ZNF727: variants seen among roughly 807,000 people sequenced by gnomAD.
ZNF727 encodes the protein putative zinc finger protein 727.
In ZNF727, 11 loss-of-function variants were observed where a neutral mutation model predicts 11.5. The ratio of observed to expected loss-of-function variants is 0.95; its 90% CI spans 0.60 to 1.58. The LOEUF is 1.58. ZNF727 is among the 40% of genes most tolerant of loss of function. The probability of loss-of-function intolerance (pLI) is 0.00; values close to 1 mark genes in which losing one functional copy is unlikely to be tolerated. For synonymous variants in ZNF727, 171 were observed against 196.1 expected, an observed-to-expected ratio of 0.87 and a Z score of 1.07; for missense variants, 533 against 581.7, an observed-to-expected ratio of 0.92 and a Z score of 0.86.
chr7:64,048,235 G>GA (rs1276533163), intron 1 of ZNF727, among the ~76,000 whole-genome samples: 2 of 151,812 alleles, frequency 1.3e-5, no homozygotes, highest in Admixed American at 1.3e-4. Flanking sequence ...GTAGATTTCA[G>GA]AAAAAAAATA....
chr7:64,051,518 A>G (rs1309497246), intron 1 of ZNF727, among the ~76,000 whole-genome samples: 1 of 152,212 alleles, frequency 6.6e-6, no homozygotes, highest in African/African-American at 2.4e-5. Context: ...CCAAAAGATC[A>G]AGAGTAATAA....
intron 1 of ZNF727, 62 bp downstream of exon 1, chr7:64,045,686 T>C (rs569265575): frequency 5.2e-6 from 8 of 1,550,430 alleles, no homozygotes; most frequent in Admixed American, 3.9e-5. Context: ...CGGTCGGAAC[T>C]GGCTGCGGTG....
intron 2 of ZNF727, 23 bp downstream of exon 2, chr7:64,069,040 A>C (rs779164133): frequency 1.7e-5 from 26 of 1,532,462 alleles, no homozygotes; most frequent in Non-Finnish European, 2.3e-5. Flanking sequence ...TCAATATACA[A>C]CTCATATTCT....
At chr7:64,050,096 G>T (rs943621087) in intron 1 of ZNF727, among the ~76,000 whole-genome samples, 1 of 151,802 alleles carries the variant, frequency 6.6e-6, no homozygotes, top group Non-Finnish European at 1.5e-5. Flanking sequence ...TCGCTGAGAA[G>T]TCAGAAGACA....
chr7:64,069,611 T>C lies in ZNF727; in HGVS notation c.226+2T>C. On this transcript the variant is annotated splice_donor_variant, in intron 3 of 3. Transcript: ENST00000456806. LOFTEE classifies it high-confidence loss of function. ...AGAAGACAGTAGCCAAACACCCAGG[T>C]AGGTGGGAGTGAGTGAAGCAAATGA... 1.9e-6 allele frequency: 3 copies of C among 1,556,012 alleles called. No homozygotes were observed. The highest frequency in any genetic ancestry group is 2.6e-6 in the Non-Finnish European group (3 of 1,147,736).
intron 1 of ZNF727, among the ~76,000 whole-genome samples, chr7:64,067,974 A>G (rs528748864): frequency 1.3e-5 from 2 of 152,280 alleles, no homozygotes; most frequent in South Asian, 2.1e-4. Flanking sequence ...AACATGAGAG[A>G]TATTTGTAGC....
chr7:64,045,576 C>T lies in ZNF727; in HGVS notation c.-46C>T. The T allele has an allele frequency of 8.4e-6, 13 of 1,552,600 alleles. No homozygotes were observed. Among genetic ancestry groups the T allele is most frequent in the Non-Finnish European group, 1.0e-5 (12 of 1,147,444 alleles). ...CCTGTTATCCTGTGACCTGCAGGTA[C>T]TGGGAGATCCATAGGGAAGAAGGCG... On this transcript the variant is annotated 5_prime_UTR_variant, in exon 1 of 4. Transcript: ENST00000456806.
intron 1 of ZNF727, 43 bp downstream of exon 1, chr7:64,045,667 G>T (rs1264562401): frequency 1.3e-6 from 2 of 1,555,372 alleles, no homozygotes; most frequent in Non-Finnish European, 1.7e-6. Context: ...GGAAGAGGCT[G>T]TTTGAATCCG....
intron 3 of ZNF727, among the ~76,000 whole-genome samples, 157 bp from the exon 4 acceptor site, chr7:64,077,119 A>G (rs146745375): frequency 2.0e-5 from 3 of 152,296 alleles, no homozygotes; most frequent in Non-Finnish European, 4.4e-5. Context: ...TTTGGTCAGT[A>G]TATTTCTGTT....
At chr7:64,073,767 A>G (rs1477062495) in intron 3 of ZNF727, among the ~76,000 whole-genome samples, 1 of 152,168 alleles carries the variant, frequency 6.6e-6, no homozygotes, top group Non-Finnish European at 1.5e-5. Flanking sequence ...AATTTCTAAG[A>G]TAAAGAGACT....
rs1057107521 is a variant in ZNF727, at chr7:64,083,828, G to T, written c.*5279G>T. Among the ~76,000 whole-genome samples, 9 of 152,094 alleles carry T rather than the reference G, an allele frequency of 5.9e-5. No individual in the cohort carries two copies. The highest frequency in any genetic ancestry group is 3.3e-4 in the Admixed American group (5 of 15,250). ...AGTTGTTTCTTTCATTAGTTCCAAT[G>T]CAAGTACCTGGATGTTTCAGTTGAA... is the stretch of plus-strand genomic sequence containing the variant. On this transcript the variant is annotated 3_prime_UTR_variant, in exon 4 of 4. Transcript: ENST00000456806.
rs183473952 is a variant in ZNF727 at position 64,056,793 on chromosome 7, A to T, written c.3+11169A>T. ...TAATTACTAAAACCTCCTAATTCTT[A>T]GTAAGGCCTTTCTAGGGCCACCTAA... is the stretch of plus-strand genomic sequence containing the variant. On this transcript the variant is annotated intron_variant, in intron 1 of 3. Coordinates refer to ENST00000456806, the MANE Select transcript of ZNF727 (RefSeq NM_001159522.3). Among the ~76,000 whole-genome samples the T allele has an allele frequency of 3.1e-3, 478 of 152,288 alleles. 5 individuals carry two copies. Among genetic ancestry groups the T allele is most frequent in the African/African-American group, 0.011 (464 of 41,572 alleles).
chr7:64,057,681 G>T (rs1218295581), intron 1 of ZNF727, among the ~76,000 whole-genome samples: 1 of 151,464 alleles, frequency 6.6e-6, no homozygotes, highest in Non-Finnish European at 1.5e-5. Context: ...TGCCCATCCT[G>T]CATATGTGAC....
intron 1 of ZNF727, among the ~76,000 whole-genome samples, chr7:64,054,609 T>C (rs185492902): frequency 2.0e-5 from 3 of 152,342 alleles, no homozygotes; most frequent in Non-Finnish European, 4.4e-5. Flanking sequence ...GGTATAGTCA[T>C]AGAATTGAGT....
At chr7:64,062,765 G>GAAGGCCATAA (rs1789793271) in intron 1 of ZNF727, among the ~76,000 whole-genome samples, 1 of 138,648 alleles carries the variant, frequency 7.2e-6, no homozygotes, top group African/African-American at 2.6e-5. Flanking sequence ...ACCTCCTCTT[G>GAAGGCCATAA]AAGGCCATAA....
In ZNF727 at chr7:64,083,911, C is replaced by T. The variant is rs1375206031; in HGVS notation, c.*5362C>T. On this transcript the variant is annotated 3_prime_UTR_variant, in exon 4 of 4. Coordinates refer to ENST00000456806, the MANE Select transcript of ZNF727 (RefSeq NM_001159522.3). ...TCTGTGAGAGCTACACAGTCTAGCT[C>T]CTTCTACTTTTTTATATTAAAATAA... 1.3e-5 allele frequency among the ~76,000 whole-genome samples: 2 copies of T among 152,138 alleles called. No individual in the cohort carries two copies.
chr7:64,046,729 C>T (rs1789513625), intron 1 of ZNF727, among the ~76,000 whole-genome samples: 1 of 152,114 alleles, frequency 6.6e-6, no homozygotes, highest in Admixed American at 6.5e-5. Flanking sequence ...ATGCCAGAAC[C>T]GATTAATACA....
At chr7:64,048,738 T>G in intron 1 of ZNF727, among the ~76,000 whole-genome samples, 1 of 152,236 alleles carries the variant, frequency 6.6e-6, no homozygotes, top group East Asian at 1.9e-4. Flanking sequence ...ATTTTATCAG[T>G]AATTCTTTCT....
intron 1 of ZNF727, among the ~76,000 whole-genome samples, chr7:64,047,855 G>A (rs1196509665): frequency 6.6e-6 from 1 of 152,206 alleles, no homozygotes; most frequent in Non-Finnish European, 1.5e-5. Context: ...TTGCCCTCTG[G>A]TTTCTCTCAG....
Sources: gnomAD v4.1 joint callset for allele counts (sites outside exome capture counted in the v4.1 genomes callset) on GRCh38, gnomAD v4.1.1 for gene constraint, MANE v1.5 for transcripts, NCBI Gene and HGNC (gene_info 2026-07-23, HGNC 2026-07-21) for gene names.